Variants in CALN1 observed in about 807,000 individuals in gnomAD.
The protein encoded by CALN1 is calneuron 1.
CALN1 carries 17 observed loss-of-function variants against 30.6 expected under a neutral mutation model. The observed-to-expected ratio is 0.56, with a 90% CI of 0.38 to 0.83. The LOEUF is 0.83. Ranked by LOEUF, CALN1 falls within the 40% of genes least tolerant of loss-of-function variation. The pLI is 0.00. For missense variants in CALN1, 291 were observed against 354.9 expected (o/e 0.82, Z 1.45); for synonymous variants, 156 against 131.4 (o/e 1.19, Z -1.28).
chr7:72,247,620 C>T (rs78855314), intron 3 of CALN1, among the ~76,000 whole-genome samples: 4,770 of 152,226 alleles, frequency 0.031, 245 homozygotes, highest in African/African-American at 0.11. Context: ...GAAGTGGTAA[C>T]ATAGTCCCCT....
At chr7:72,261,125 T>C (rs1015992309) in intron 3 of CALN1, among the ~76,000 whole-genome samples, 4 of 151,978 alleles carry the variant, frequency 2.6e-5, no homozygotes, top group Non-Finnish European at 5.9e-5. Context: ...TGGGCCAACA[T>C]AGTGAAACCC....
intron 5 of CALN1, among the ~76,000 whole-genome samples, chr7:71,992,452 G>C (rs1326801982): frequency 6.6e-6 from 1 of 152,112 alleles, no homozygotes; most frequent in Admixed American, 6.6e-5. Flanking sequence ...AAACTCCTTG[G>C]CTTGAGCCAT....
the CALN1 span, among the ~76,000 whole-genome samples, chr7:72,479,330 A>G: frequency 6.6e-6 from 1 of 152,176 alleles, no homozygotes; most frequent in Non-Finnish European, 1.5e-5. Context: ...TCCCACAAAT[A>G]TATTTATATG....
intron 3 of CALN1, among the ~76,000 whole-genome samples, chr7:72,256,057 C>T (rs763028394): frequency 4.6e-5 from 7 of 152,154 alleles, no homozygotes; most frequent in Admixed American, 1.3e-4. Flanking sequence ...GAGAGATATA[C>T]GGAAGCGATG....
At chr7:72,067,417 T>C (rs1804098743) in intron 4 of CALN1, among the ~76,000 whole-genome samples, 1 of 151,964 alleles carries the variant, frequency 6.6e-6, no homozygotes, top group Non-Finnish European at 1.5e-5. Flanking sequence ...CAATTTTTTC[T>C]ATTATTATTT....
At chr7:72,298,493 G>T (rs1264618398) in intron 2 of CALN1, among the ~76,000 whole-genome samples, 1 of 152,198 alleles carries the variant, frequency 6.6e-6, no homozygotes, top group African/African-American at 2.4e-5. Context: ...CCTTTTGGGA[G>T]CAAAGGAAAT....
chr7:71,998,859 T>TA (rs1305528702), intron 5 of CALN1, among the ~76,000 whole-genome samples: 2 of 152,092 alleles, frequency 1.3e-5, no homozygotes, highest in East Asian at 3.9e-4. Flanking sequence ...CCCAAAGAGA[T>TA]ATACTTTAAA....
At chr7:72,212,247 G>A (rs1792458037) in intron 3 of CALN1, among the ~76,000 whole-genome samples, 1 of 151,652 alleles carries the variant, frequency 6.6e-6, no homozygotes, top group Non-Finnish European at 1.5e-5. Context: ...TACTCGGGAG[G>A]CTGAGGCAGG....
At chr7:71,845,735 G>T (rs1313459222) in intron 5 of CALN1, among the ~76,000 whole-genome samples, 1 of 151,990 alleles carries the variant, frequency 6.6e-6, no homozygotes, top group Non-Finnish European at 1.5e-5. Flanking sequence ...TTCTAGGGCT[G>T]ACCTGGGATT....
the CALN1 span, among the ~76,000 whole-genome samples, chr7:72,462,878 T>C: frequency 1.3e-5 from 2 of 152,180 alleles, no homozygotes; most frequent in Non-Finnish European, 2.9e-5. Flanking sequence ...CACCAGAAAG[T>C]CTTCTTCCCC....
chr7:71,861,007 T>C (rs552510598), intron 5 of CALN1, among the ~76,000 whole-genome samples: 1 of 152,234 alleles, frequency 6.6e-6, no homozygotes, highest in East Asian at 1.9e-4. Flanking sequence ...TTAACATGTG[T>C]GGGTCTTCAA....
At chr7:72,290,196 G>A (rs991195640) in intron 2 of CALN1, among the ~76,000 whole-genome samples, 7 of 146,854 alleles carry the variant, frequency 4.8e-5, no homozygotes, top group African/African-American at 1.8e-4. Context: ...GCCAGTATGA[G>A]CTTATGAGCT....
intron 3 of CALN1, among the ~76,000 whole-genome samples, chr7:72,164,601 A>C (rs772304047): frequency 2.6e-5 from 4 of 152,122 alleles, no homozygotes; most frequent in African/African-American, 4.8e-5. Context: ...ATAAACTGAC[A>C]CTGTTTTAAG....
chr7:72,097,153 C>A (rs1248727515), intron 4 of CALN1, among the ~76,000 whole-genome samples: 1 of 151,730 alleles, frequency 6.6e-6, no homozygotes, highest in Non-Finnish European at 1.5e-5. Context: ...ACACCGGGGC[C>A]TGTCGTGGGG....
intron 2 of CALN1, among the ~76,000 whole-genome samples, chr7:72,356,958 T>C (rs1316367947): frequency 6.6e-6 from 1 of 151,844 alleles, no homozygotes; most frequent in Non-Finnish European, 1.5e-5. Context: ...TGGTTTTGCT[T>C]TGGTTTTGTT....
At chr7:72,368,930 T>G (rs1316283240) in intron 2 of CALN1, among the ~76,000 whole-genome samples, 1 of 148,280 alleles carries the variant, frequency 6.7e-6, no homozygotes, top group Admixed American at 6.9e-5. Flanking sequence ...TTCTCCTGCC[T>G]CAGCCTCCCA....
chr7:72,030,915 C>A (rs1801398382), intron 4 of CALN1, among the ~76,000 whole-genome samples: 1 of 152,032 alleles, frequency 6.6e-6, no homozygotes, highest in Non-Finnish European at 1.5e-5. Flanking sequence ...CTTGGCCAAT[C>A]TTTTAAAATT....
In CALN1 at chr7:72,269,351, C is replaced by T. The variant is rs559360006; in HGVS notation, c.244+9335G>A. ...TTAGGTATATCTCCTAATGCTATCCCTCCCCCCTGCCCCCACTCCACAACA... is the reference window on the plus strand; with the variant it reads ...TTAGGTATATCTCCTAATGCTATCCTTCCCCCCTGCCCCCACTCCACAACA... On this transcript the variant is annotated intron_variant, in intron 3 of 6. Coordinates refer to ENST00000395275, the MANE Select transcript of CALN1 (RefSeq NM_031468.4). Among the ~76,000 whole-genome samples, 9 of 152,032 alleles carry T rather than the reference C, an allele frequency of 5.9e-5. No individual in the cohort carries two copies. In the South Asian group the frequency reaches 1.9e-3, roughly 32 times the overall value.
intron 3 of CALN1, among the ~76,000 whole-genome samples, chr7:72,203,105 A>G (rs1791555252): frequency 6.6e-6 from 1 of 152,098 alleles, no homozygotes. Flanking sequence ...CAAATACCAC[A>G]TGTTCTCACT....
Sources: allele counts gnomAD v4.1 joint callset (sites outside exome capture counted in the v4.1 genomes callset), GRCh38; gene constraint gnomAD v4.1.1; transcripts MANE v1.5; gene names NCBI Gene and HGNC (gene_info 2026-07-23, HGNC 2026-07-21).